TENM4: variants seen among roughly 807,000 people sequenced by gnomAD.
TENM4 encodes the protein teneurin transmembrane protein 4.
TENM4 carries 82 observed loss-of-function variants against 243.3 expected under a neutral mutation model. The ratio of observed to expected loss-of-function variants is 0.34; its 90% CI spans 0.28 to 0.40. The LOEUF (loss-of-function observed/expected upper bound fraction) is 0.40, where lower values mean the gene tolerates loss of function less well. Ranked by LOEUF, TENM4 falls within the 10% of genes least tolerant of loss-of-function variation. TENM4 has a pLI of 1.00. For synonymous variants in TENM4, 1,412 were observed against 1,456.3 expected, an observed-to-expected ratio of 0.97 and a Z score of 0.69; for missense variants, 3,138 against 3,673.3, an observed-to-expected ratio of 0.85 and a Z score of 3.77.
At chr11:78,702,528 G>T in intron 27 of TENM4, 125 bp from the exon 28 acceptor site, 1 of 1,151,006 alleles carries the variant, frequency 8.7e-7, no homozygotes, top group South Asian at 1.5e-5. Flanking sequence ...TGATCCTCAT[G>T]CAGCCTATCA....
At position 78,733,489 on chromosome 11, in the gene TENM4, C is replaced by T. The variant is rs79141642; in HGVS notation, c.2877-912G>A. The stretch of plus-strand genomic sequence containing the variant: ...GTGGGGATTGTACAGGCAGAGTCTT[C>T]CTTGCCTCACCCCAGAATATCTTGT... On this transcript the variant is annotated intron_variant, in intron 20 of 33. Transcript: ENST00000278550. Among the ~76,000 whole-genome samples, 1,311 of 152,320 alleles carry T rather than the reference C, an allele frequency of 8.6e-3. 8 individuals carry two copies. Among genetic ancestry groups the T allele is most frequent in the African/African-American group, 0.015 (603 of 41,572 alleles).
At chr11:78,986,862 C>G (rs1005440401) in intron 6 of TENM4, among the ~76,000 whole-genome samples, 1 of 152,208 alleles carries the variant, frequency 6.6e-6, no homozygotes, top group African/African-American at 2.4e-5. Flanking sequence ...GCGTGAGTGA[C>G]CCCACTCGGC....
At chr11:78,812,389 T>A (rs767769871) in intron 13 of TENM4, 73 bp from the exon 14 acceptor site, 23 of 1,502,130 alleles carry the variant, frequency 1.5e-5, no homozygotes, top group Non-Finnish European at 1.7e-5. Flanking sequence ...CTCTTTCTCC[T>A]CCTGGCCTGC....
intron 4 of TENM4, among the ~76,000 whole-genome samples, chr11:79,117,525 A>T (rs1861648707): frequency 6.6e-6 from 1 of 152,236 alleles, no homozygotes; most frequent in Non-Finnish European, 1.5e-5. Flanking sequence ...GCGGGGGCCA[A>T]ACATGACCTT....
intron 6 of TENM4, among the ~76,000 whole-genome samples, chr11:79,058,962 A>T (rs1390578916): frequency 6.6e-6 from 1 of 152,234 alleles, no homozygotes; most frequent in Non-Finnish European, 1.5e-5. Flanking sequence ...ATATTCTTAT[A>T]GATTTTTAAA....
At chr11:79,316,206 G>A (rs745715966) in intron 1 of TENM4, among the ~76,000 whole-genome samples, 10 of 152,156 alleles carry the variant, frequency 6.6e-5, no homozygotes, top group South Asian at 2.1e-4. Context: ...ATACAAAAAA[G>A]AGAATGAAAG....
chr11:78,903,674 T>C, intron 6 of TENM4, 151 bp from the exon 7 acceptor site: 1 of 1,263,184 alleles, frequency 7.9e-7, no homozygotes, highest in East Asian at 2.5e-5. Flanking sequence ...ACGACAGTTG[T>C]TTATTGAGCA....
intron 10 of TENM4, among the ~76,000 whole-genome samples, chr11:78,858,167 T>C (rs2136212849): frequency 6.6e-6 from 1 of 152,310 alleles, no homozygotes; most frequent in Non-Finnish European, 1.5e-5. Flanking sequence ...ATTTTCTCCC[T>C]CAATGAGCGT....
intron 18 of TENM4, 133 bp from the exon 19 acceptor site, chr11:78,757,154 G>A (rs1235022055): frequency 1.1e-6 from 1 of 925,590 alleles, no homozygotes; most frequent in African/African-American, 1.7e-5. Flanking sequence ...ATAAGCCAAA[G>A]TCTTTGCTGG....
chr11:79,359,157 T>C (rs1310781987), intron 1 of TENM4, among the ~76,000 whole-genome samples: 1 of 152,190 alleles, frequency 6.6e-6, no homozygotes, highest in East Asian at 1.9e-4. Context: ...TCCTAGCTAC[T>C]TGGGAGGCTG....
At chr11:79,439,017 C>T (rs1381095761) in intron 1 of TENM4, 1 of 152,072 alleles carries the variant, frequency 6.6e-6, no homozygotes, top group African/African-American at 2.4e-5. Flanking sequence ...GAGCTCGCAT[C>T]ACAGTTCCGG....
chr11:79,130,961 A>G (rs560849014), intron 4 of TENM4, among the ~76,000 whole-genome samples: 4 of 152,348 alleles, frequency 2.6e-5, no homozygotes, highest in Admixed American at 1.3e-4. Context: ...CTTAGAATTA[A>G]CCTAATCCAA....
At chr11:78,729,231 G>A (rs1421679422) in intron 22 of TENM4, 145 bp downstream of exon 22, 2 of 861,126 alleles carry the variant, frequency 2.3e-6, no homozygotes, top group African/African-American at 1.7e-5. Context: ...TTAGGTCCTG[G>A]CCAGTCACGG....
At chr11:79,432,108 C>T (rs1439344941) in intron 1 of TENM4, among the ~76,000 whole-genome samples, 1 of 152,100 alleles carries the variant, frequency 6.6e-6, no homozygotes, top group Non-Finnish European at 1.5e-5. Flanking sequence ...TGACTAGTGA[C>T]TACTATATTG....
intron 4 of TENM4, among the ~76,000 whole-genome samples, chr11:79,094,712 C>G (rs1379429160): frequency 2.6e-5 from 4 of 152,180 alleles, no homozygotes; most frequent in Non-Finnish European, 5.9e-5. Context: ...CCAGGCTGGG[C>G]TGTTGCTATT....
At chr11:79,325,968 C>T (rs891789275) in intron 1 of TENM4, among the ~76,000 whole-genome samples, 21 of 152,220 alleles carry the variant, frequency 1.4e-4, no homozygotes, top group African/African-American at 4.6e-4. Context: ...TTTGTGAACT[C>T]ATTAAACATG....
chr11:79,380,678 T>C (rs1565322697), intron 1 of TENM4, among the ~76,000 whole-genome samples: 1 of 152,216 alleles, frequency 6.6e-6, no homozygotes, highest in Non-Finnish European at 1.5e-5. Context: ...TTCCCAAATG[T>C]GTTTAATCAC....
chr11:79,047,855 A>T (rs1859696746), intron 6 of TENM4, among the ~76,000 whole-genome samples: 1 of 152,238 alleles, frequency 6.6e-6, no homozygotes, highest in Admixed American at 6.5e-5. Flanking sequence ...GAAATGAGAT[A>T]GTGTATTTGA....
At chr11:78,940,584 T>G (rs1591147651) in intron 6 of TENM4, among the ~76,000 whole-genome samples, 1 of 152,274 alleles carries the variant, frequency 6.6e-6, no homozygotes, top group East Asian at 1.9e-4. Flanking sequence ...CTGAAGTCAG[T>G]CTCTTCTTCC....
Sources: gnomAD v4.1 joint callset for allele counts (sites outside exome capture counted in the v4.1 genomes callset) on GRCh38, gnomAD v4.1.1 for gene constraint, MANE v1.5 for transcripts, NCBI Gene and HGNC (gene_info 2026-07-23, HGNC 2026-07-21) for gene names.